The following DGKI variants were observed in gnomAD, a reference collection of about 807,000 sequenced individuals.
The protein encoded by DGKI is diacylglycerol kinase iota.
A neutral mutation model predicts 147.5 loss-of-function variants in DGKI; 55 were observed. The observed-to-expected ratio is 0.37, with a 90% CI of 0.30 to 0.47. The LOEUF (loss-of-function observed/expected upper bound fraction) is 0.47. DGKI is among the 20% of genes least tolerant of loss of function. DGKI has a pLI of 1.00. For synonymous variants in DGKI, 469 were observed against 477.1 expected (o/e 0.98, Z 0.22); for missense variants, 1,007 against 1,323.8 (o/e 0.76, Z 3.71).
At chr7:137,502,591 A>G (rs1816216685) in intron 21 of DGKI, among the ~76,000 whole-genome samples, 1 of 151,996 alleles carries the variant, frequency 6.6e-6, no homozygotes, top group African/African-American at 2.4e-5. Flanking sequence ...AGAAAAAATA[A>G]CCTACGTTCA....
chr7:137,518,104 G>A (rs1410585163), intron 21 of DGKI, among the ~76,000 whole-genome samples: 2 of 152,012 alleles, frequency 1.3e-5, no homozygotes, highest in East Asian at 3.9e-4. Flanking sequence ...GAAGACTGAT[G>A]AGCAGTATGA....
At chr7:137,684,283 G>A (rs1252461860) in intron 2 of DGKI, among the ~76,000 whole-genome samples, 2 of 152,198 alleles carry the variant, frequency 1.3e-5, no homozygotes, top group Non-Finnish European at 2.9e-5. Context: ...AGCAGATTTT[G>A]AAGATTTAGT....
At chr7:137,683,988 A>G (rs1823330553) in intron 2 of DGKI, among the ~76,000 whole-genome samples, 1 of 152,182 alleles carries the variant, frequency 6.6e-6, no homozygotes, top group Non-Finnish European at 1.5e-5. Flanking sequence ...ACAGATAAAG[A>G]GTATGCTCAC....
chr7:137,786,805 C>A (rs1208014467), intron 1 of DGKI, among the ~76,000 whole-genome samples: 1 of 151,986 alleles, frequency 6.6e-6, no homozygotes, highest in Admixed American at 6.6e-5. Flanking sequence ...GAATAGAGAA[C>A]CCAGAAATAA....
chr7:137,645,351 G>T (rs1366613180), intron 6 of DGKI, 121 bp downstream of exon 6: 3 of 721,818 alleles, frequency 4.2e-6, no homozygotes, highest in Non-Finnish European at 6.6e-6. Flanking sequence ...GGACAAGTAA[G>T]GTCTTTCAGA....
At chr7:137,409,334 A>G (rs984570777) in intron 29 of DGKI, among the ~76,000 whole-genome samples, 1 of 152,242 alleles carries the variant, frequency 6.6e-6, no homozygotes, top group African/African-American at 2.4e-5. Context: ...CAGGAAGATA[A>G]ATGTGAATAC....
chr7:137,546,100 A>T, intron 20 of DGKI: 1 of 551,930 alleles, frequency 1.8e-6, no homozygotes, highest in Non-Finnish European at 3.2e-6. Flanking sequence ...ACAGCGAAGG[A>T]AAGGAAAAGG....
chr7:137,557,345 T>A (rs1438002451), intron 19 of DGKI, among the ~76,000 whole-genome samples: 4 of 152,182 alleles, frequency 2.6e-5, no homozygotes, highest in African/African-American at 4.8e-5. Context: ...CCGAAATATA[T>A]AATACTTAAA....
chr7:137,816,255 A>G (rs1160923661), intron 1 of DGKI, among the ~76,000 whole-genome samples: 4 of 152,228 alleles, frequency 2.6e-5, no homozygotes, highest in African/African-American at 9.6e-5. Flanking sequence ...AACACACAAG[A>G]TCACCTTGGG....
At chr7:137,417,358 G>C (rs1812397924) in intron 28 of DGKI, among the ~76,000 whole-genome samples, 1 of 152,322 alleles carries the variant, frequency 6.6e-6, no homozygotes, top group African/African-American at 2.4e-5. Flanking sequence ...TTACAGGTTA[G>C]AAGTTGAATC....
rs697597 is a variant in DGKI at position 137,591,532 on chromosome 7, G to T, written c.1312-4322C>A. ...GCATTCCCCAACAGCCAGCATTCCCGGAAGACAGCACAGCGCAGAAGTGTG... is the reference window on the plus strand; with the variant it reads ...GCATTCCCCAACAGCCAGCATTCCCTGAAGACAGCACAGCGCAGAAGTGTG... On this transcript the variant is annotated intron_variant, in intron 12 of 32. Coordinates refer to ENST00000614521, the MANE Select transcript of DGKI (RefSeq NM_001321708.2). Among the ~76,000 whole-genome samples, 973 of 152,192 alleles carry T rather than the reference G, an allele frequency of 6.4e-3. 12 individuals carry two copies. The highest frequency in any genetic ancestry group is 0.022 in the African/African-American group (913 of 41,506).
chr7:137,490,877 A>G (rs1815739033), intron 21 of DGKI, among the ~76,000 whole-genome samples: 1 of 152,194 alleles, frequency 6.6e-6, no homozygotes, highest in African/African-American at 2.4e-5. Context: ...TATTGCAGGG[A>G]TTAAATGGAA....
chr7:137,761,978 C>T lies in DGKI; in HGVS notation c.402-71976G>A, dbSNP rs181949548. On this transcript the variant is annotated intron_variant, in intron 1 of 32. Transcript: ENST00000614521. The stretch of plus-strand genomic sequence containing the variant: ...CGTCCTCATCCCTCATTTTCTAAGT[C>T]CAGGTAGTAATTAAACCCACTTGGT... Among the ~76,000 whole-genome samples the T allele has an allele frequency of 5.9e-5, 9 of 152,314 alleles. No homozygotes were observed. In the East Asian group the frequency reaches 1.7e-3, roughly 29 times the overall value.
intron 6 of DGKI, among the ~76,000 whole-genome samples, chr7:137,628,141 T>C (rs1821007269): frequency 6.6e-6 from 1 of 152,246 alleles, no homozygotes; most frequent in South Asian, 2.1e-4. Flanking sequence ...TACTCAATGA[T>C]ATAGGGTGAG....
At chr7:137,760,542 G>A (rs1198603379) in intron 1 of DGKI, among the ~76,000 whole-genome samples, 1 of 152,026 alleles carries the variant, frequency 6.6e-6, no homozygotes, top group Non-Finnish European at 1.5e-5. Context: ...GATTTTATCG[G>A]GAGGGTTTCT....
intron 32 of DGKI, among the ~76,000 whole-genome samples, 194 bp from the exon 33 acceptor site, chr7:137,391,530 T>C (rs1227567165): frequency 2.0e-5 from 3 of 152,242 alleles, no homozygotes; most frequent in African/African-American, 4.8e-5. Flanking sequence ...TATTGTCTTA[T>C]ATGAGCATTA....
At chr7:137,561,147 T>G (rs1818406559) in intron 19 of DGKI, among the ~76,000 whole-genome samples, 1 of 151,532 alleles carries the variant, frequency 6.6e-6, no homozygotes, top group Admixed American at 6.6e-5. Flanking sequence ...GCAGCACTGC[T>G]CCAATAGCCA....
intron 3 of DGKI, among the ~76,000 whole-genome samples, chr7:137,668,788 C>T (rs1032812154): frequency 6.6e-6 from 1 of 152,140 alleles, no homozygotes; most frequent in Admixed American, 6.6e-5. Context: ...AGTTGTTTCA[C>T]CTCACAAGCT....
At chr7:137,464,278 A>G (rs923822914) in intron 26 of DGKI, among the ~76,000 whole-genome samples, 5 of 149,838 alleles carry the variant, frequency 3.3e-5, no homozygotes, top group African/African-American at 4.9e-5. Context: ...AAAAAAAAAA[A>G]GGAAAAGAAA....
Sources: allele counts gnomAD v4.1 joint callset (sites outside exome capture counted in the v4.1 genomes callset), GRCh38; gene constraint gnomAD v4.1.1; transcripts MANE v1.5; gene names NCBI Gene and HGNC (gene_info 2026-07-23, HGNC 2026-07-21).